TUB: variants seen among roughly 807,000 people sequenced by gnomAD.
TUB encodes tubby protein homolog.
TUB carries 33 observed loss-of-function variants against 59.7 expected under a neutral mutation model. That is an observed-to-expected ratio of 0.55 (90% CI 0.42 to 0.74). The LOEUF (loss-of-function observed/expected upper bound fraction) is 0.74. TUB is among the 30% of genes least tolerant of loss of function. The pLI is 0.00. For synonymous variants in TUB, 293 were observed against 256.4 expected (o/e 1.14, Z -1.36); for missense variants, 659 against 672.0 (o/e 0.98, Z 0.21).
intron 1 of TUB, among the ~76,000 whole-genome samples, chr11:8,026,914 G>A (rs1255777863): frequency 6.6e-6 from 1 of 152,128 alleles, no homozygotes; most frequent in African/African-American, 2.4e-5. Context: ...ATTTATATCT[G>A]TTGAGGGGAT....
exon 2 of TUB, chr11:8,039,670 A>G (rs1264542789): frequency 6.5e-7 from 1 of 1,536,018 alleles, no homozygotes; most frequent in Non-Finnish European, 8.8e-7. Flanking sequence ...GAAGTACTGG[A>G]AGGAAGGAAG....
chr11:8,020,641 A>G lies in TUB; in HGVS notation c.56+1283A>G, dbSNP rs149737352. Among the ~76,000 whole-genome samples, 748 of 152,240 alleles carry G rather than the reference A, an allele frequency of 4.9e-3. 5 individuals are homozygous for G. Among genetic ancestry groups the G allele is most frequent in the African/African-American group, 0.017 (693 of 41,520 alleles). On this transcript the variant is annotated intron_variant, in intron 1 of 11. Coordinates refer to the TUB transcript ENST00000534099. ...TTCATTGCCTTCTTTGGGGAAATAT[A>G]TCGTCTGAATTGGTTAATTCTGTTT...
intron 2 of TUB, among the ~76,000 whole-genome samples, chr11:8,055,262 A>C (rs947926054): frequency 6.6e-6 from 1 of 152,176 alleles, no homozygotes; most frequent in Admixed American, 6.5e-5. Flanking sequence ...AGAATGCAAG[A>C]TAGTGAGTGA....
chr11:8,057,988 T>C (rs1418736381), intron 2 of TUB, among the ~76,000 whole-genome samples: 1 of 151,978 alleles, frequency 6.6e-6, no homozygotes, highest in African/African-American at 2.4e-5. Context: ...GGCAGGAGGA[T>C]TGCTTGAGGC....
upstream of TUB, chr11:8,077,196 G>T (rs1177055342): frequency 6.6e-6 from 1 of 152,200 alleles, no homozygotes; most frequent in Non-Finnish European, 1.5e-5. Context: ...CTTTCTAAAG[G>T]TTACATCTGG....
chr11:8,105,663 G>A lies in TUB; in HGVS notation c.*4044G>A, dbSNP rs1389217082. ...CAAAGCTTGCCGTAGGATTTGGGGT[G>A]AATGAAAATTATTCCTTGCTTTCAT... On this transcript the variant is annotated 3_prime_UTR_variant, in exon 12 of 12. Transcript: ENST00000299506. The A allele has an allele frequency of 6.6e-6, 1 of 152,124 alleles. No individual in the cohort carries two copies. The highest frequency in any genetic ancestry group is 1.9e-4 in the East Asian group (1 of 5,198). 9.4% of individuals were successfully genotyped at this position (152,124 alleles called of 1,614,324 possible). A position where few individuals can be genotyped will look rare whatever the true frequency, so the allele number is the denominator to read the frequency against.
At chr11:8,101,034 G>T in intron 11 of TUB, 37 bp downstream of exon 11, 1 of 1,612,254 alleles carries the variant, frequency 6.2e-7, no homozygotes, top group Non-Finnish European at 8.5e-7. Flanking sequence ...TGGTCCGTAG[G>T]ATACCCAAGG....
chr11:8,059,652 C>G (rs1195397415), intron 2 of TUB, among the ~76,000 whole-genome samples: 2 of 151,956 alleles, frequency 1.3e-5, no homozygotes, highest in Non-Finnish European at 2.9e-5. Context: ...TTAGGAGTGG[C>G]TGGAGCTAAG....
chr11:8,098,993 G>C (rs1944133936), intron 9 of TUB, 118 bp downstream of exon 9: 15 of 784,876 alleles, frequency 1.9e-5, no homozygotes, highest in Non-Finnish European at 2.9e-5. Context: ...GTGTGGAGAG[G>C]GGCTGTCCTC....
In TUB at chr11:8,081,489, C is replaced by T; in HGVS notation, c.-22C>T. The T allele has an allele frequency of 1.3e-6, 2 of 1,511,420 alleles. No homozygotes were observed. Among genetic ancestry groups the T allele is most frequent in the South Asian group, 1.2e-5 (1 of 80,798 alleles). 93.6% of individuals were successfully genotyped at this position (1,511,420 alleles called of 1,614,324 possible). A position where few individuals can be genotyped will look rare whatever the true frequency, so the allele number is the denominator to read the frequency against. ...GGGCCCCGGCCTCCAGAGCCGCAGC[C>T]ACCGCCCCGCCCCCGAGAGACATGA... On this transcript the variant is annotated 5_prime_UTR_variant, in exon 1 of 12. Transcript: ENST00000299506.
Position 8,101,754 on chromosome 11 carries a change from C to CCCAG in TUB, c.*144_*147dup. 7.0e-7 allele frequency: 1 copy of CCCAG among 1,431,382 alleles called. No individual in the cohort carries two copies. Among genetic ancestry groups the CCCAG allele is most frequent in the Non-Finnish European group, 9.2e-7 (1 of 1,088,206 alleles). The allele number at this position is 1,431,382 out of a possible 1,614,324, so 88.7% of individuals were successfully genotyped here. A position where few individuals can be genotyped will look rare whatever the true frequency, so the allele number is the denominator to read the frequency against. The stretch of plus-strand genomic sequence containing the variant: ...CTTTGGCCCTCAGTGGGCTCCCTGG[C>CCCAG]CCAGCCAGCCAGGAACTGGCTCCTT... On this transcript the variant is annotated 3_prime_UTR_variant, in exon 12 of 12. Coordinates refer to ENST00000299506, the MANE Select transcript of TUB (RefSeq NM_177972.3).
At chr11:8,080,494 G>T (rs1489298708), upstream of TUB, among the ~76,000 whole-genome samples, 2 of 152,200 alleles carry the variant, frequency 1.3e-5, no homozygotes, top group Non-Finnish European at 2.9e-5. Context: ...CTTAGGAAGG[G>T]CTTTGGAGGA....
chr11:8,068,409 A>T (rs1589947458), intron 2 of TUB: 1 of 152,130 alleles, frequency 6.6e-6, no homozygotes, highest in Non-Finnish European at 1.5e-5. Flanking sequence ...TACAGGCGGG[A>T]TCACTTCCCC....
intron 1 of TUB, chr11:8,019,401 C>G: frequency 1.6e-6 from 2 of 1,230,664 alleles, no homozygotes. Flanking sequence ...GCCTGCTGAC[C>G]CTCGATCTCC....
At chr11:8,044,815 G>C (rs184936664) in intron 2 of TUB, among the ~76,000 whole-genome samples, 1 of 152,290 alleles carries the variant, frequency 6.6e-6, no homozygotes, top group Admixed American at 6.5e-5. Context: ...ATGGCTAACA[G>C]AACTCAGGAA....
Position 8,049,566 on chromosome 11 carries a change from T to C in TUB, c.203+9874T>C, listed in dbSNP as rs1459467789. On this transcript the variant is annotated intron_variant, in intron 2 of 12. Transcript: ENST00000305253. Reference sequence around the variant, plus strand: ...AACCATGGTGGTATTATGTGGTATATATATATATATATATAGATAGATAGA... The same window carrying C: ...AACCATGGTGGTATTATGTGGTATACATATATATATATATAGATAGATAGA... Among the ~76,000 whole-genome samples the C allele has an allele frequency of 1.9e-4, 15 of 79,246 alleles. No homozygotes were observed. The Admixed American group carries it at 2.2e-3, about 12-fold the overall frequency. 52.0% of individuals were successfully genotyped at this position (79,246 alleles called of 152,430 possible). A position where few individuals can be genotyped will look rare whatever the true frequency, so the allele number is the denominator to read the frequency against.
chr11:8,089,245 GT>G (rs1306397854), intron 1 of TUB, among the ~76,000 whole-genome samples: 6 of 152,174 alleles, frequency 3.9e-5, no homozygotes, highest in Non-Finnish European at 8.8e-5. Context: ...CCCTGGGTTT[GT>G]TTGAAGCCTG....
rs1944045048 is a variant in TUB, at chr11:8,097,382, A to T, written c.842A>T (p.Tyr281Phe). 6.2e-7 allele frequency: 1 copy of T among 1,614,126 alleles called. No individual in the cohort carries two copies. Among genetic ancestry groups the T allele is most frequent in the Non-Finnish European group, 8.5e-7 (1 of 1,180,014 alleles). ...RDKKGMDRGM[Y>F]PTYFLHLDRE... Reference sequence around the variant, plus strand: ...AAGAAAGGGATGGACCGGGGCATGTACCCCACCTACTTTCTGCACCTGGAC... The same window carrying T: ...AAGAAAGGGATGGACCGGGGCATGTTCCCCACCTACTTTCTGCACCTGGAC... Residue 281 changes from tyrosine (Y) to phenylalanine (F), a missense_variant, in exon 7 of 12, where the codon TAC (tyrosine) becomes TTC (phenylalanine). Physicochemically the swap from Tyr to Phe is conservative, Grantham distance 22. Transcript: ENST00000299506.
intron 2 of TUB, among the ~76,000 whole-genome samples, chr11:8,061,745 A>G (rs926651441): frequency 6.6e-6 from 1 of 152,038 alleles, no homozygotes; most frequent in East Asian, 1.9e-4. Context: ...CAGATCCCCA[A>G]ATAAAGCCAC....
Sources: allele counts gnomAD v4.1 joint callset (sites outside exome capture counted in the v4.1 genomes callset), GRCh38; gene constraint gnomAD v4.1.1; transcripts MANE v1.5; gene names NCBI Gene and HGNC (gene_info 2026-07-23, HGNC 2026-07-21).